Variants in ELN observed in about 807,000 individuals in gnomAD.
The protein encoded by ELN is elastin, also known as tropoelastin.
A neutral mutation model predicts 105.8 loss-of-function variants in ELN; 65 were observed. That is an observed-to-expected ratio of 0.61 (90% CI 0.50 to 0.75). ELN has a LOEUF of 0.75. ELN is among the 30% of genes least tolerant of loss of function. ELN has a pLI of 0.00. For missense variants in ELN, 882 were observed against 969.4 expected, an observed-to-expected ratio of 0.91 and a Z score of 1.20; for synonymous variants, 368 against 389.2, an observed-to-expected ratio of 0.95 and a Z score of 0.64.
At chr7:74,042,954 C>G (rs535455482) in intron 6 of ELN, 30 bp from the exon 7 acceptor site, 1 of 1,614,054 alleles carries the variant, frequency 6.2e-7, no homozygotes, top group Non-Finnish European at 8.5e-7. Context: ...CTGTTCCTTA[C>G]GCAATGCCTC....
At chr7:74,066,797 CT>C (rs1554689650) in intron 32 of ELN, 21 bp downstream of exon 32, 2 of 1,612,786 alleles carry the variant, frequency 1.2e-6, no homozygotes, top group East Asian at 2.2e-5. Context: ...CTCCCTGCCC[CT>C]GGGCCCTGCC....
chr7:74,048,855 C>T (rs942705068), intron 15 of ELN, among the ~76,000 whole-genome samples: 1 of 151,844 alleles, frequency 6.6e-6, no homozygotes, highest in Non-Finnish European at 1.5e-5. Flanking sequence ...ATGCATCCAT[C>T]CACTCATCCG....
chr7:74,028,346 G>A, intron 1 of ELN, 77 bp downstream of exon 1: 2 of 1,504,800 alleles, frequency 1.3e-6, no homozygotes, highest in South Asian at 1.2e-5. Flanking sequence ...GACGCTCAAG[G>A]GGGAGACCTT....
At chr7:74,043,971 C>T (rs368307835) in intron 9 of ELN, 51 bp downstream of exon 9, 56 of 1,607,880 alleles carry the variant, frequency 3.5e-5, no homozygotes, top group Admixed American at 2.9e-4. Flanking sequence ...GCAGCCAGGA[C>T]GCAGTGGCTC....
chr7:74,056,152 T>G, intron 19 of ELN, 119 bp from the exon 20 acceptor site: 1 of 1,401,900 alleles, frequency 7.1e-7, no homozygotes, highest in Non-Finnish European at 1.0e-6. Context: ...TTTTCTGTCT[T>G]TTATGGACAA....
chr7:74,055,891 A>T (rs1423123777), intron 19 of ELN, among the ~76,000 whole-genome samples: 1 of 151,688 alleles, frequency 6.6e-6, no homozygotes, highest in African/African-American at 2.4e-5. Context: ...GGTTCAAGTG[A>T]TTCTCCTACC....
At position 74,064,219 on chromosome 7, in the gene ELN, T is replaced by G. The variant is rs546277029; in HGVS notation, c.1993+524T>G. ...AGATCACGAGGTCAGATCAAGACCA[T>G]CCTGGCTAACACAGTGAAACCCCGT... On this transcript the variant is annotated intron_variant, in intron 29 of 32. Coordinates refer to ENST00000252034, the MANE Select transcript of ELN (RefSeq NM_000501.4). Among the ~76,000 whole-genome samples the G allele has an allele frequency of 5.7e-4, 86 of 150,672 alleles. 1 individual carries two copies. In the South Asian group the frequency reaches 8.4e-3, roughly 15 times the overall value.
intron 1 of ELN, among the ~76,000 whole-genome samples, chr7:74,030,968 G>A (rs1788527966): frequency 6.7e-6 from 1 of 150,054 alleles, no homozygotes; most frequent in Non-Finnish European, 1.5e-5. Flanking sequence ...CCCAGTGGAG[G>A]ACAGCTTGTT....
At position 74,054,725 on chromosome 7, in the gene ELN, C is replaced by T; in HGVS notation, c.1106C>T (p.Ser369Leu). 6.2e-7 allele frequency: 1 copy of T among 1,614,206 alleles called. No homozygotes were observed. Among genetic ancestry groups the T allele is most frequent in the Non-Finnish European group, 8.5e-7 (1 of 1,180,042 alleles). ...CTTTTGGTCTCTCCAGGGGTTGTGT[C>T]ACCAGAAGCAGCTGCTAAGGCAGCT... ...IPGAAVPGVV[S>L]PEAAAKAAAK... The change falls in exon 19 of 33, where the codon TCA (serine) becomes TTA (leucine). Residue 369 changes from serine (S) to leucine (L), a missense_variant. By Grantham distance (145) the Ser-to-Leu change is moderately radical. Coordinates refer to ENST00000252034, the MANE Select transcript of ELN (RefSeq NM_000501.4).
chr7:74,043,336 G>A, intron 8 of ELN, 168 bp downstream of exon 8: 1 of 1,047,522 alleles, frequency 9.5e-7, no homozygotes, highest in Admixed American at 2.0e-5. Flanking sequence ...GAAATGGGGA[G>A]GAGGGGCCTG....
intron 6 of ELN, 109 bp downstream of exon 6, chr7:74,042,815 T>C: frequency 1.3e-6 from 2 of 1,533,252 alleles, no homozygotes; most frequent in Non-Finnish European, 1.8e-6. Flanking sequence ...GTGGGTGGGA[T>C]TGTCAGTTGC....
chr7:74,050,035 C>A (rs183834253), intron 15 of ELN, among the ~76,000 whole-genome samples: 1 of 149,244 alleles, frequency 6.7e-6, no homozygotes, highest in East Asian at 2.1e-4. Flanking sequence ...CCATCCATTT[C>A]TCCATGCATG....
intron 32 of ELN, among the ~76,000 whole-genome samples, chr7:74,067,023 C>T (rs1052008974): frequency 2.6e-5 from 4 of 152,218 alleles, no homozygotes; most frequent in Admixed American, 2.6e-4. Flanking sequence ...TGATGGCTCA[C>T]ACCTGTAATC....
rs573994609 is a variant in ELN, at chr7:74,039,473, G to T, written c.196+1734G>T. ...CGTCTGGGCCTGCCCAGGCAGGATG[G>T]AATGGAGCACAGGCAGCGCGTGTCA... On this transcript the variant is annotated intron_variant, in intron 4 of 32. Transcript: ENST00000252034. Among the ~76,000 whole-genome samples, 9 of 152,354 alleles carry T rather than the reference G, an allele frequency of 5.9e-5. No homozygotes were observed. The East Asian group carries it at 1.7e-3, about 29-fold the overall frequency.
chr7:74,056,321 G>A lies in ELN; in HGVS notation c.1201G>A (p.Ala401Thr), dbSNP rs1554679648. The part of the protein sequence containing the change: ...VGGIPTYGVG[A>T]GGFPGFGVGV... The stretch of plus-strand genomic sequence containing the variant: ...AGGCATTCCTACTTACGGGGTTGGA[G>A]CTGGGGGCTTTCCCGGCTTTGGTGT... The change falls in exon 20 of 33, where the codon GCT becomes ACT. Residue 401 changes from alanine to threonine, a missense_variant. Coordinates refer to ENST00000252034, the MANE Select transcript of ELN (RefSeq NM_000501.4). 2 of 1,614,042 alleles carry A rather than the reference G, an allele frequency of 1.2e-6. No homozygotes were observed. Among genetic ancestry groups the A allele is most frequent in the Admixed American group, 1.7e-5 (1 of 59,988 alleles).
chr7:74,066,128 C>G, intron 31 of ELN, 131 bp downstream of exon 31: 1 of 1,323,384 alleles, frequency 7.6e-7, no homozygotes, highest in Non-Finnish European at 1.1e-6. Flanking sequence ...GGTGAGGGCA[C>G]TTTAGGATTG....
intron 18 of ELN, 103 bp downstream of exon 18, chr7:74,053,412 C>T (rs1326737344): frequency 6.5e-7 from 1 of 1,540,826 alleles, no homozygotes; most frequent in African/African-American, 1.4e-5. Context: ...CTCCCTAACA[C>T]CATAACCATC....
rs376512299 is a variant in ELN, at chr7:74,037,708, G to A, written c.165G>A (p.Ala55=). The change falls in exon 4 of 33, where the codon GCG becomes GCA. Residue 55 remains alanine (A), a splice_region_variant and synonymous_variant. Transcript: ENST00000252034. ...CACTATCTTCTCTTCCCTCTGCAGC[G>A]CTGGGGCCTGGAGGCAAACCTCTTA... is the stretch of plus-strand genomic sequence containing the variant. ...GAGLGALGGG[A]LGPGGKPLKP... 2.9e-5 allele frequency: 46 copies of A among 1,612,064 alleles called. No individual in the cohort carries two copies. Among genetic ancestry groups the A allele is most frequent in the African/African-American group, 1.7e-4 (13 of 75,010 alleles).
intron 30 of ELN, 21 bp from the exon 31 acceptor site, chr7:74,065,923 A>C (rs1248693409): frequency 9.3e-6 from 15 of 1,613,710 alleles, no homozygotes; most frequent in South Asian, 3.3e-5. Flanking sequence ...TCTTATCCTG[A>C]CCCCACCTGC....
Sources: allele counts gnomAD v4.1 joint callset (sites outside exome capture counted in the v4.1 genomes callset), GRCh38; gene constraint gnomAD v4.1.1; transcripts MANE v1.5; gene names NCBI Gene and HGNC (gene_info 2026-07-23, HGNC 2026-07-21).